Variants in EGLN1 observed in about 807,000 individuals in gnomAD.
EGLN1 encodes the protein egl nine homolog 1.
Under a neutral mutation model 38.3 loss-of-function variants are expected in EGLN1, and 17 were observed. That is an observed-to-expected ratio of 0.44 (90% confidence interval 0.30 to 0.67). The LOEUF (loss-of-function observed/expected upper bound fraction) is 0.67, where lower values mean the gene tolerates loss of function less well. EGLN1 is among the 30% of genes least tolerant of loss of function. The probability of loss-of-function intolerance (pLI) is 0.08; values close to 1 mark genes in which losing one functional copy is unlikely to be tolerated. For missense variants in EGLN1, 477 were observed against 603.3 expected, an observed-to-expected ratio of 0.79 and a Z score of 2.19; for synonymous variants, 283 against 257.5, an observed-to-expected ratio of 1.10 and a Z score of -0.95.
At position 231,421,605 on chromosome 1, in the gene EGLN1, T is replaced by C; in HGVS notation, c.284A>G (p.Lys95Arg). The C allele has an allele frequency of 1.5e-6, 2 of 1,342,500 alleles. No homozygotes were observed. Among genetic ancestry groups the C allele is most frequent in the East Asian group, 6.2e-5 (2 of 32,190 alleles). The allele number at this position is 1,342,500 out of a possible 1,614,324, so 83.2% of individuals were successfully genotyped here. A position where few individuals can be genotyped will look rare whatever the true frequency, so the allele number is the denominator to read the frequency against. The change falls in exon 1 of 5, where the codon AAG (lysine) becomes AGG (arginine). Residue 95 changes from lysine to arginine, a missense_variant. By Grantham distance (26) the Lys-to-Arg change is conservative (BLOSUM62 2). Around this residue, in one of 4 missense-constraint regions of EGLN1, gnomAD observed 298 missense variants for 288.9 expected, o/e 1.03. Coordinates refer to ENST00000366641, the MANE Select transcript of EGLN1 (RefSeq NM_022051.3). The surrounding 1 kb of genome is among the most constrained non-coding windows in gnomAD (Gnocchi z 5.5). ...PPRAGAREPR[K>R]AAARRDNASG... is the part of the protein sequence containing the mutation. ...GGCGTTGTCCCGGCGCGCCGCTGCC[T>C]TCCTGGGCTCCCGGGCCCCGGCCCT...
chr1:231,400,047 A>T (rs1688625566), intron 1 of EGLN1, among the ~76,000 whole-genome samples: 1 of 152,214 alleles, frequency 6.6e-6, no homozygotes, highest in South Asian at 2.1e-4. Flanking sequence ...ATTAATCTAT[A>T]GGGTTAAAAC....
chr1:231,392,362 A>G (rs560856418), intron 1 of EGLN1, among the ~76,000 whole-genome samples: 12 of 152,320 alleles, frequency 7.9e-5, no homozygotes, highest in African/African-American at 1.9e-4. Flanking sequence ...ACTTAATTTT[A>G]AAAATTTTCC....
chr1:231,370,516 T>C, intron 3 of EGLN1, 46 bp downstream of exon 3: 2 of 1,604,780 alleles, frequency 1.2e-6, no homozygotes, highest in Non-Finnish European at 1.7e-6. Flanking sequence ...GATTCCCTCC[T>C]GTCCTACCAT....
chr1:231,406,322 T>C (rs748851779), intron 1 of EGLN1, among the ~76,000 whole-genome samples: 3 of 152,070 alleles, frequency 2.0e-5, no homozygotes, highest in South Asian at 2.1e-4. Context: ...GTGTTAATTA[T>C]TAGTGATAAA....
intron 1 of EGLN1, among the ~76,000 whole-genome samples, chr1:231,409,474 A>C (rs2102934832): frequency 6.6e-6 from 1 of 152,274 alleles, no homozygotes; most frequent in African/African-American, 2.4e-5. Flanking sequence ...GACACTCAGT[A>C]AATAGCTGTT....
intron 1 of EGLN1, among the ~76,000 whole-genome samples, chr1:231,385,216 T>A (rs555358119): frequency 1.6e-4 from 24 of 152,344 alleles, no homozygotes; most frequent in African/African-American, 5.3e-4. Context: ...GAAGACAGCA[T>A]ATGGTGCAGC....
chr1:231,413,911 T>C (rs1335988469), intron 1 of EGLN1, among the ~76,000 whole-genome samples: 1 of 152,200 alleles, frequency 6.6e-6, no homozygotes. Context: ...CAACAGACAC[T>C]GTCCAAGCTC....
At chr1:231,414,721 G>A (rs1392362750) in intron 1 of EGLN1, among the ~76,000 whole-genome samples, 2 of 147,794 alleles carry the variant, frequency 1.4e-5, no homozygotes, top group African/African-American at 2.5e-5. Flanking sequence ...GCTCATACCT[G>A]TAATCCCAGC....
intron 1 of EGLN1, among the ~76,000 whole-genome samples, chr1:231,419,244 G>A (rs1205852224): frequency 2.6e-5 from 4 of 152,176 alleles, no homozygotes; most frequent in Non-Finnish European, 5.9e-5. Context: ...GAGGAAGGAG[G>A]TACCTATTTC....
At chr1:231,375,590 C>A (rs1358685535) in intron 1 of EGLN1, among the ~76,000 whole-genome samples, 1 of 152,158 alleles carries the variant, frequency 6.6e-6, no homozygotes, top group African/African-American at 2.4e-5. Context: ...TTATAAGCAG[C>A]AGAATTTTTG....
At chr1:231,412,668 T>C (rs1030727180) in intron 1 of EGLN1, among the ~76,000 whole-genome samples, 4 of 152,134 alleles carry the variant, frequency 2.6e-5, no homozygotes, top group Admixed American at 1.3e-4. Context: ...GAAGAAAGGA[T>C]GGGGCTAGAA....
At chr1:231,391,523 T>A (rs887632851) in intron 1 of EGLN1, among the ~76,000 whole-genome samples, 14 of 152,056 alleles carry the variant, frequency 9.2e-5, no homozygotes, top group Non-Finnish European at 1.9e-4. Flanking sequence ...AAAATATAAT[T>A]GGCACCGCAG....
intron 1 of EGLN1, among the ~76,000 whole-genome samples, chr1:231,412,742 C>G (rs1688986061): frequency 6.6e-6 from 1 of 152,152 alleles, no homozygotes; most frequent in Non-Finnish European, 1.5e-5. Context: ...GAACATATAA[C>G]TTTTTTCTTG....
At chr1:231,387,876 T>C (rs1688260288) in intron 1 of EGLN1, among the ~76,000 whole-genome samples, 1 of 152,208 alleles carries the variant, frequency 6.6e-6, no homozygotes, top group African/African-American at 2.4e-5. Context: ...TATACCACTC[T>C]TCTGCCTCTC....
rs1456433072 is a variant in EGLN1, at chr1:231,367,449, T to TA, written c.1216+119dup. Reference sequence around the variant, plus strand: ...AAAATGAGGCAAATAAGAAATCTGATAAAAAACAAAAAGTAAGTATTCATG... The same window carrying TA: ...AAAATGAGGCAAATAAGAAATCTGATAAAAAAACAAAAAGTAAGTATTCATG... On this transcript the variant is annotated intron_variant, in intron 4 of 4. Transcript: ENST00000366641. The TA allele has an allele frequency of 1.9e-4, 206 of 1,073,654 alleles. No individual in the cohort carries two copies. The East Asian group carries it at 4.7e-3, about 25-fold the overall frequency. The allele number at this position is 1,073,654 out of a possible 1,614,324, so 66.5% of individuals were successfully genotyped here.
At chr1:231,389,139 G>A (rs1264541767) in intron 1 of EGLN1, among the ~76,000 whole-genome samples, 1 of 152,124 alleles carries the variant, frequency 6.6e-6, no homozygotes, top group East Asian at 1.9e-4. Context: ...TTCTAATAAA[G>A]TTAAAAATAA....
Position 231,374,066 on chromosome 1 carries a change from C to A in EGLN1, c.925G>T (p.Gly309Cys), listed in dbSNP as rs774056264. ...GGATTATCAACATGACGTACATAAC[C>A]CGTTCCATTGCCCGGATAACAAGCA... ...MVACYPGNGT[G>C]YVRHVDNPNG... is the part of the protein sequence containing the mutation. Residue 309 changes from glycine to cysteine, a missense_variant, in exon 2 of 5, where the codon GGT becomes TGT. Gly to Cys is a radical substitution (Grantham distance 159). Transcript: ENST00000366641. The A allele has an allele frequency of 8.1e-6, 13 of 1,613,458 alleles. No homozygotes were observed. Among genetic ancestry groups the A allele is most frequent in the Non-Finnish European group, 3.4e-6 (4 of 1,179,620 alleles).
At chr1:231,373,070 A>G (rs549361637) in intron 2 of EGLN1, among the ~76,000 whole-genome samples, 190 of 152,328 alleles carry the variant, frequency 1.2e-3, no homozygotes, top group Non-Finnish European at 2.3e-3. Flanking sequence ...AATATATGAC[A>G]TATTTTTTAA....
Position 231,421,432 on chromosome 1 carries a change from A to G in EGLN1, c.457T>C (p.Ser153Pro), listed in dbSNP as rs963834004. 1.7e-5 allele frequency: 27 copies of G among 1,549,586 alleles called. No homozygotes were observed. The African/African-American group carries it at 2.5e-4, about 14-fold the overall frequency. The change falls in exon 1 of 5, where the codon TCA (serine) becomes CCA (proline). Residue 153 changes from serine to proline, a missense_variant. Ser to Pro is a moderately conservative substitution (Grantham distance 74). Transcript: ENST00000366641. The surrounding 1 kb of genome is among the most constrained non-coding windows in gnomAD (Gnocchi z 5.5). ...EPGKEEPPAR[S>P]SLFQEKANLY... ...TTCGCCTTCTCCTGGAACAGCGATG[A>G]GCGGGCCGGCGGCTCCTCCTTGCCG...
Sources: gnomAD v4.1 joint callset for allele counts (sites outside exome capture counted in the v4.1 genomes callset) on GRCh38, gnomAD v4.1.1 for gene constraint, gnomAD v4.1.1 regional missense constraint, Gnocchi (gnomAD v3.1) non-coding constraint, MANE v1.5 for transcripts, NCBI Gene and HGNC (gene_info 2026-07-23, HGNC 2026-07-21) for gene names.